Variants in DPYSL3 observed in about 807,000 individuals in gnomAD.
The protein encoded by DPYSL3 is dihydropyrimidinase like 3, also known as dihydropyrimidinase-related protein 3.
Under a neutral mutation model 66.1 loss-of-function variants are expected in DPYSL3, and 16 were observed. The observed-to-expected ratio is 0.24, with a 90% CI of 0.16 to 0.37. The LOEUF is 0.37. Ranked by LOEUF, DPYSL3 falls within the 10% of genes least tolerant of loss-of-function variation. DPYSL3 has a pLI of 1.00. For missense variants in DPYSL3, 738 were observed against 916.2 expected, an observed-to-expected ratio of 0.81 and a Z score of 2.51; for synonymous variants, 338 against 345.1, an observed-to-expected ratio of 0.98 and a Z score of 0.23.
At chr5:147,396,869 A>C (rs1319839723) in intron 12 of DPYSL3, among the ~76,000 whole-genome samples, 1 of 51,452 alleles carries the variant, frequency 1.9e-5, no homozygotes, top group Non-Finnish European at 3.9e-5. Flanking sequence ...ATGTGTGTAT[A>C]TATATATATA....
At chr5:147,505,241 GT>G (rs989075049) in intron 1 of DPYSL3, among the ~76,000 whole-genome samples, 13 of 147,050 alleles carry the variant, frequency 8.8e-5, no homozygotes, top group Admixed American at 1.4e-4. Flanking sequence ...ACTCAGAGAC[GT>G]TTTTTTTTTT....
intron 1 of DPYSL3, among the ~76,000 whole-genome samples, chr5:147,446,494 C>T (rs4492158): frequency 6.6e-6 from 1 of 152,178 alleles, no homozygotes; most frequent in Non-Finnish European, 1.5e-5. Flanking sequence ...CCTTGAATTC[C>T]AGATGTTCCA....
intron 1 of DPYSL3, among the ~76,000 whole-genome samples, chr5:147,498,866 T>C (rs1416043915): frequency 6.6e-6 from 1 of 152,008 alleles, no homozygotes; most frequent in East Asian, 1.9e-4. Flanking sequence ...TTCCATTCTG[T>C]AGATTGTCTG....
At chr5:147,471,377 T>C (rs1753083477) in intron 1 of DPYSL3, among the ~76,000 whole-genome samples, 1 of 152,212 alleles carries the variant, frequency 6.6e-6, no homozygotes, top group African/African-American at 2.4e-5. Flanking sequence ...AGTCTGTCTT[T>C]GACCCTCTGA....
Position 147,393,998 on chromosome 5 carries a change from C to T in DPYSL3, c.*37G>A. On this transcript the variant is annotated 3_prime_UTR_variant, in exon 14 of 14. Coordinates refer to ENST00000343218, the MANE Select transcript of DPYSL3 (RefSeq NM_001197294.2). The stretch of plus-strand genomic sequence containing the variant: ...TACCATTTTGGCTTCAAAACAATCT[C>T]TTCTTGCTTCTGCCCCTCTCTTTGA... The T allele has an allele frequency of 6.2e-7, 1 of 1,607,596 alleles. No homozygotes were observed. Among genetic ancestry groups the T allele is most frequent in the Non-Finnish European group, 8.5e-7 (1 of 1,174,596 alleles).
chr5:147,491,464 A>G (rs1003503820), intron 1 of DPYSL3, among the ~76,000 whole-genome samples: 2 of 152,222 alleles, frequency 1.3e-5, no homozygotes, highest in African/African-American at 4.8e-5. Context: ...AGAGTCAGCT[A>G]TGGCAGGAAT....
intron 2 of DPYSL3, among the ~76,000 whole-genome samples, chr5:147,420,508 G>T (rs1752055869): frequency 6.6e-6 from 1 of 152,182 alleles, no homozygotes; most frequent in African/African-American, 2.4e-5. Flanking sequence ...AAGACAGCAT[G>T]ATGATTTGGG....
At position 147,509,785 on chromosome 5, in the gene DPYSL3, G is replaced by T. The variant is rs755117373; in HGVS notation, c.74C>A (p.Thr25Asn). 1.3e-6 allele frequency: 2 copies of T among 1,535,998 alleles called. No individual in the cohort carries two copies. Among genetic ancestry groups the T allele is most frequent in the South Asian group, 2.4e-5 (2 of 84,064 alleles). The change falls in exon 1 of 14, where the codon ACC (threonine) becomes AAC (asparagine). Residue 25 changes from threonine to asparagine, a missense_variant. Transcript: ENST00000343218. This position sits in a 1 kb window ranked among gnomAD's most constrained non-coding sequence, Gnocchi z 5.3. Reference protein sequence around the residue: ...DLPVYLARPGTTDQVPRQKYG... With the variant: ...DLPVYLARPGNTDQVPRQKYG... ...TTTCTGCCGCGGGACCTGGTCCGTG[G>T]TGCCCGGCCTGGCCAGGTACACGGG...
chr5:147,412,750 C>A, intron 5 of DPYSL3, 62 bp from the exon 6 acceptor site: 4 of 1,439,610 alleles, frequency 2.8e-6, no homozygotes, highest in Non-Finnish European at 3.9e-6. Flanking sequence ...ACAGAAGGGC[C>A]AATTACCAGA....
At chr5:147,503,348 G>A (rs141430656) in intron 1 of DPYSL3, among the ~76,000 whole-genome samples, 1 of 151,946 alleles carries the variant, frequency 6.6e-6, no homozygotes, top group Non-Finnish European at 1.5e-5. Flanking sequence ...TCTCACTGTC[G>A]CCTCTTCCAG....
intron 1 of DPYSL3, among the ~76,000 whole-genome samples, chr5:147,474,292 C>T (rs1207385599): frequency 6.6e-6 from 1 of 152,032 alleles, no homozygotes; most frequent in Non-Finnish European, 1.5e-5. Flanking sequence ...ACATAGTTCA[C>T]TTTCTCATAA....
intron 1 of DPYSL3, among the ~76,000 whole-genome samples, chr5:147,497,690 C>T (rs1056127978): frequency 6.9e-5 from 10 of 145,722 alleles, no homozygotes; most frequent in African/African-American, 2.6e-4. Context: ...TTGGCAAAAT[C>T]CAATATCCAT....
chr5:147,451,450 T>C (rs1752726944), intron 1 of DPYSL3, among the ~76,000 whole-genome samples: 1 of 152,190 alleles, frequency 6.6e-6, no homozygotes, highest in Admixed American at 6.5e-5. Context: ...GGGAATCCAC[T>C]GCAAATCTGG....
At chr5:147,423,943 C>T (rs1752139148) in intron 2 of DPYSL3, among the ~76,000 whole-genome samples, 1 of 152,128 alleles carries the variant, frequency 6.6e-6, no homozygotes, top group Admixed American at 6.5e-5. Context: ...ATCTCATACT[C>T]CTGAGCTCAA....
chr5:147,421,521 T>C (rs1752077605), intron 2 of DPYSL3, among the ~76,000 whole-genome samples: 1 of 152,192 alleles, frequency 6.6e-6, no homozygotes, highest in African/African-American at 2.4e-5. Context: ...TTAAATTTCA[T>C]ATGGAACTGA....
intron 1 of DPYSL3, among the ~76,000 whole-genome samples, chr5:147,432,354 T>C (rs1752330575): frequency 6.6e-6 from 1 of 152,208 alleles, no homozygotes; most frequent in African/African-American, 2.4e-5. Flanking sequence ...GAGTGGCTGC[T>C]CTGTTGTCTG....
In DPYSL3 at chr5:147,392,614, T is replaced by C. The variant is rs1476291900; in HGVS notation, c.*1421A>G. The C allele has an allele frequency of 6.6e-6, 1 of 152,230 alleles. No homozygotes were observed. The highest frequency in any genetic ancestry group is 2.4e-5 in the African/African-American group (1 of 41,464). 9.4% of individuals were successfully genotyped at this position (152,230 alleles called of 1,614,324 possible). On this transcript the variant is annotated 3_prime_UTR_variant, in exon 14 of 14. Coordinates refer to ENST00000343218, the MANE Select transcript of DPYSL3 (RefSeq NM_001197294.2). ...TTGCTCACAGGACTTGCTCCAAAAC[T>C]GAATTTTCAGAAGCAGCATGATAGG...
intron 3 of DPYSL3, among the ~76,000 whole-genome samples, 199 bp downstream of exon 3, chr5:147,418,248 C>T (rs1752011030): frequency 6.6e-6 from 1 of 152,210 alleles, no homozygotes; most frequent in Non-Finnish European, 1.5e-5. Context: ...TGACCAAGAG[C>T]CTCATGAATC....
intron 1 of DPYSL3, chr5:147,454,175 C>T (rs1752803315): frequency 6.6e-6 from 1 of 152,206 alleles, no homozygotes; most frequent in Non-Finnish European, 1.5e-5. Flanking sequence ...CTCCTACCTT[C>T]CCCGCCCTAG....
Sources: allele counts gnomAD v4.1 joint callset (sites outside exome capture counted in the v4.1 genomes callset), GRCh38; gene constraint gnomAD v4.1.1; non-coding constraint Gnocchi (gnomAD v3.1); transcripts MANE v1.5; gene names NCBI Gene and HGNC (gene_info 2026-07-23, HGNC 2026-07-21).